GFRA2: variants seen among roughly 807,000 people sequenced by gnomAD.
GFRA2 encodes GDNF family receptor alpha 2, also known as GDNF family receptor alpha-2.
GFRA2 carries 17 observed loss-of-function variants against 48.3 expected under a neutral mutation model. That is an observed-to-expected ratio of 0.35 (90% confidence interval 0.24 to 0.53). The LOEUF (loss-of-function observed/expected upper bound fraction) is 0.53, where lower values mean the gene tolerates loss of function less well. Ranked by LOEUF, GFRA2 falls within the 20% of genes least tolerant of loss-of-function variation. The pLI is 0.93. For missense variants in GFRA2, 660 were observed against 637.3 expected (o/e 1.04, Z -0.38); for synonymous variants, 305 against 257.2 (o/e 1.19, Z -1.78).
In GFRA2 at chr8:21,702,896, G is replaced by C; in HGVS notation, c.1127C>G (p.Pro376Arg). Residue 376 changes from proline (P) to arginine (R), a missense_variant, in exon 7 of 9, where the codon CCT becomes CGT. Transcript: ENST00000524240. ...CAAAGAAGGCGTCTTCTCCACCCGA[G>C]GGGCCTGGGTGGCCTGGAACGAGGG... ...KGPSFQATQA[P>R]RVEKTPSLPD... The C allele has an allele frequency of 1.2e-6, 2 of 1,604,856 alleles. No homozygotes were observed. Among genetic ancestry groups the C allele is most frequent in the Non-Finnish European group, 1.7e-6 (2 of 1,175,824 alleles).
In GFRA2 at chr8:21,788,516, G is replaced by A. The variant is rs973401636; in HGVS notation, c.-357C>T. 3 of 1,050,964 alleles carry A rather than the reference G, an allele frequency of 2.9e-6. No homozygotes were observed. The highest frequency in any genetic ancestry group is 4.3e-4 in the Middle Eastern group (1 of 2,318). 65.1% of individuals were successfully genotyped at this position (1,050,964 alleles called of 1,614,324 possible). On this transcript the variant is annotated 5_prime_UTR_variant, in exon 1 of 9. Coordinates refer to ENST00000524240, the MANE Select transcript of GFRA2 (RefSeq NM_001495.5). ...GTCCCCGCGGGTCCAATTCCCCTGC[G>A]CTTCCCAGGAGGGGCCTGGGGAGGT...
upstream of GFRA2, among the ~76,000 whole-genome samples, chr8:21,790,573 A>G (rs1177804126): frequency 5.9e-5 from 9 of 152,198 alleles, no homozygotes; most frequent in Admixed American, 2.0e-4. Flanking sequence ...ACAGAGAGCG[A>G]GTCTCCTGTG....
At chr8:21,695,645 G>A (rs1802127296) in intron 7 of GFRA2, among the ~76,000 whole-genome samples, 2 of 152,120 alleles carry the variant, frequency 1.3e-5, no homozygotes, top group South Asian at 4.1e-4. Flanking sequence ...GTTGCCCTCT[G>A]CAGAAGGGCA....
rs1352518894 is a variant in GFRA2, at chr8:21,788,200, G to A, written c.-41C>T. The A allele has an allele frequency of 3.1e-6, 5 of 1,594,312 alleles. No homozygotes were observed. In the African/African-American group the frequency reaches 5.4e-5, roughly 17 times the overall value. ...CCGTTTTTTTGTCTTTCTCCCTTGG[G>A]TAAAAAAAAATAATAGTAGTAACAA... On this transcript the variant is annotated 5_prime_UTR_variant, in exon 1 of 9. Coordinates refer to ENST00000524240, the MANE Select transcript of GFRA2 (RefSeq NM_001495.5).
intron 3 of GFRA2, among the ~76,000 whole-genome samples, chr8:21,766,615 T>G (rs1806166427): frequency 6.6e-6 from 1 of 151,138 alleles, no homozygotes; most frequent in Non-Finnish European, 1.5e-5. Flanking sequence ...CCTCCCTTTT[T>G]CTAATGCCCC....
At chr8:21,710,612 C>T (rs1340032239) in intron 4 of GFRA2, among the ~76,000 whole-genome samples, 4 of 152,202 alleles carry the variant, frequency 2.6e-5, no homozygotes, top group Non-Finnish European at 5.9e-5. Flanking sequence ...GCACTCAGGG[C>T]CCCTTGGCTA....
chr8:21,782,361 T>A (rs961196518), intron 2 of GFRA2, among the ~76,000 whole-genome samples: 3 of 149,876 alleles, frequency 2.0e-5, no homozygotes, highest in Non-Finnish European at 3.0e-5. Flanking sequence ...CTCCAGCTGT[T>A]GCTTCTGCCT....
intron 2 of GFRA2, among the ~76,000 whole-genome samples, chr8:21,802,375 G>T (rs1437547997): frequency 6.6e-6 from 1 of 152,148 alleles, no homozygotes; most frequent in Admixed American, 6.6e-5. Context: ...CTTCTTTTGA[G>T]AAAGGGTCTC....
chr8:21,744,291 C>T lies in GFRA2; in HGVS notation c.794+6297G>A, dbSNP rs532672145. Among the ~76,000 whole-genome samples the T allele has an allele frequency of 2.6e-5, 4 of 152,280 alleles. No homozygotes were observed. In the East Asian group the frequency reaches 7.7e-4, roughly 29 times the overall value. On this transcript the variant is annotated intron_variant, in intron 4 of 8. Transcript: ENST00000524240. ...TCTGCTTCCCAACAAGCCTCTCTGA[C>T]AAGGGCAGTGTCCACTGCAGGAAAG...
chr8:21,762,362 G>A (rs1805956730), intron 3 of GFRA2, among the ~76,000 whole-genome samples: 1 of 152,152 alleles, frequency 6.6e-6, no homozygotes, highest in African/African-American at 2.4e-5. Flanking sequence ...AATGGGACCT[G>A]AACCCTTGTC....
chr8:21,785,700 G>A (rs1413900649), intron 1 of GFRA2, among the ~76,000 whole-genome samples: 3 of 152,114 alleles, frequency 2.0e-5, no homozygotes, highest in Non-Finnish European at 4.4e-5. Context: ...CCCCACCCGA[G>A]TCACTTTCCC....
At chr8:21,764,120 C>T (rs1037063047) in intron 3 of GFRA2, among the ~76,000 whole-genome samples, 3 of 152,142 alleles carry the variant, frequency 2.0e-5, no homozygotes, top group Non-Finnish European at 2.9e-5. Flanking sequence ...TTGGTCTGTT[C>T]GGGCTGCTAT....
chr8:21,732,068 T>A (rs1172491297), intron 4 of GFRA2, among the ~76,000 whole-genome samples: 1 of 152,226 alleles, frequency 6.6e-6, no homozygotes, highest in East Asian at 1.9e-4. Flanking sequence ...CTGGGCCCAA[T>A]GCAGGGGCGA....
chr8:21,716,580 A>G (rs1803347729), intron 4 of GFRA2, among the ~76,000 whole-genome samples: 2 of 152,208 alleles, frequency 1.3e-5, no homozygotes, highest in South Asian at 4.1e-4. Flanking sequence ...GACACTCAGC[A>G]GAAAAGACAA....
At chr8:21,798,048 G>T (rs904239209) in intron 2 of GFRA2, among the ~76,000 whole-genome samples, 1 of 152,140 alleles carries the variant, frequency 6.6e-6, no homozygotes, top group Non-Finnish European at 1.5e-5. Flanking sequence ...CTCCAGGATG[G>T]GACATTCCCA....
chr8:21,703,660 C>G (rs1440215552), intron 6 of GFRA2, among the ~76,000 whole-genome samples: 1 of 152,192 alleles, frequency 6.6e-6, no homozygotes, highest in East Asian at 1.9e-4. Flanking sequence ...CTTATCTACC[C>G]TGGTCCCCCA....
chr8:21,723,676 C>G (rs757363228), intron 4 of GFRA2, among the ~76,000 whole-genome samples: 2 of 152,138 alleles, frequency 1.3e-5, no homozygotes. Flanking sequence ...GCAGGGTCCA[C>G]TGGGAAGACT....
At chr8:21,764,575 G>C (rs1192526213) in intron 3 of GFRA2, among the ~76,000 whole-genome samples, 1 of 152,216 alleles carries the variant, frequency 6.6e-6, no homozygotes, top group African/African-American at 2.4e-5. Context: ...TGGACATCCA[G>C]CTCTGCCTTC....
intron 7 of GFRA2, 35 bp downstream of exon 7, chr8:21,702,770 G>A: frequency 6.5e-7 from 1 of 1,539,798 alleles, no homozygotes; most frequent in Non-Finnish European, 8.7e-7. Context: ...CCGGTGCCAT[G>A]GTGCTCCCCC....
Sources: gnomAD v4.1 joint callset for allele counts (sites outside exome capture counted in the v4.1 genomes callset) on GRCh38, gnomAD v4.1.1 for gene constraint, MANE v1.5 for transcripts, NCBI Gene and HGNC (gene_info 2026-07-23, HGNC 2026-07-21) for gene names.